The following FRMD5 variants were observed in gnomAD, a reference collection of about 807,000 sequenced individuals.
The protein encoded by FRMD5 is FERM domain containing 5, also known as FERM domain-containing protein 5.
FRMD5 carries 20 observed loss-of-function variants against 69.0 expected under a neutral mutation model. The ratio of observed to expected loss-of-function variants is 0.29; its 90% CI spans 0.20 to 0.42. The LOEUF (loss-of-function observed/expected upper bound fraction) is 0.42. Among genes scored for constraint, FRMD5 ranks in the 10% least tolerant of loss-of-function variants. The pLI, the probability that FRMD5 is intolerant of heterozygous loss-of-function variation, is 1.00. For synonymous variants in FRMD5, 271 were observed against 260.1 expected (o/e 1.04, Z -0.40); for missense variants, 595 against 708.6 (o/e 0.84, Z 1.82).
chr15:44,111,569 G>A (rs371579884), intron 1 of FRMD5, among the ~76,000 whole-genome samples: 3 of 152,120 alleles, frequency 2.0e-5, no homozygotes, highest in African/African-American at 7.2e-5. Flanking sequence ...AAAAGTCTCA[G>A]GCTGAAAAAG....
chr15:43,872,952 G>T lies in FRMD5; in HGVS notation c.*933C>A. 1 of 519,546 alleles carries T rather than the reference G, an allele frequency of 1.9e-6. No homozygotes were observed. Among genetic ancestry groups the T allele is most frequent in the Non-Finnish European group, 3.4e-6 (1 of 295,632 alleles). 32.2% of individuals were successfully genotyped at this position (519,546 alleles called of 1,614,324 possible). On this transcript the variant is annotated 3_prime_UTR_variant, in exon 14 of 14. Transcript: ENST00000417257. Reference sequence around the variant, plus strand: ...AAGCACTGCTATCCAAATCTCAACAGTCTCTCAGGTAACTTAACTCTGCTT... The same window carrying T: ...AAGCACTGCTATCCAAATCTCAACATTCTCTCAGGTAACTTAACTCTGCTT...
intron 1 of FRMD5, among the ~76,000 whole-genome samples, chr15:44,149,809 G>A (rs2077414476): frequency 6.6e-6 from 1 of 152,066 alleles, no homozygotes; most frequent in Admixed American, 6.5e-5. Context: ...TTCTAGGAGG[G>A]CAGCACTACC....
chr15:43,974,741 T>C (rs2090438286), intron 1 of FRMD5, among the ~76,000 whole-genome samples: 2 of 152,248 alleles, frequency 1.3e-5, no homozygotes, highest in East Asian at 1.9e-4. Flanking sequence ...ACCAGATTCA[T>C]GTAGCTCTCT....
intron 1 of FRMD5, among the ~76,000 whole-genome samples, chr15:44,026,276 T>C (rs1891425451): frequency 6.6e-6 from 1 of 152,238 alleles, no homozygotes; most frequent in Non-Finnish European, 1.5e-5. Flanking sequence ...CCCCCACATC[T>C]GGCCTCTCTC....
intron 1 of FRMD5, among the ~76,000 whole-genome samples, chr15:43,962,235 A>C (rs2140544687): frequency 6.6e-6 from 1 of 152,354 alleles, no homozygotes; most frequent in East Asian, 1.9e-4. Context: ...ATGTGCAAAA[A>C]TCACAAGCAT....
chr15:44,166,335 C>T (rs950713790), intron 1 of FRMD5, among the ~76,000 whole-genome samples: 1 of 152,056 alleles, frequency 6.6e-6, no homozygotes, highest in Non-Finnish European at 1.5e-5. Context: ...GATAGTAACC[C>T]TTTGGCATAT....
At chr15:44,082,767 T>G (rs903365197) in intron 1 of FRMD5, among the ~76,000 whole-genome samples, 5 of 151,906 alleles carry the variant, frequency 3.3e-5, no homozygotes, top group African/African-American at 1.2e-4. Context: ...AGGAAAAAAA[T>G]CACAGGCTTG....
intron 1 of FRMD5, among the ~76,000 whole-genome samples, chr15:43,928,654 C>T (rs906844397): frequency 3.3e-5 from 5 of 152,216 alleles, no homozygotes; most frequent in Non-Finnish European, 5.9e-5. Flanking sequence ...GTCCTAAGTC[C>T]AGGGGTTTCT....
chr15:44,187,522 C>G (rs2078121767), intron 1 of FRMD5, among the ~76,000 whole-genome samples: 1 of 151,704 alleles, frequency 6.6e-6, no homozygotes, highest in Non-Finnish European at 1.5e-5. Context: ...TTAACTCAGC[C>G]TCTAATGCTC....
At chr15:43,964,343 C>G (rs2090256607) in intron 1 of FRMD5, among the ~76,000 whole-genome samples, 1 of 149,778 alleles carries the variant, frequency 6.7e-6, no homozygotes, top group South Asian at 2.1e-4. Flanking sequence ...TTTCTTTTTT[C>G]AAGCATGAAA....
At chr15:44,064,071 T>A (rs1893208054) in intron 1 of FRMD5, 1 of 207,604 alleles carries the variant, frequency 4.8e-6, no homozygotes, top group Admixed American at 5.5e-5. Flanking sequence ...CCCAGAAGAC[T>A]GTGGATGGCC....
chr15:44,106,600 C>T (rs1419161229), intron 1 of FRMD5, among the ~76,000 whole-genome samples: 1 of 152,154 alleles, frequency 6.6e-6, no homozygotes, highest in Non-Finnish European at 1.5e-5. Flanking sequence ...GTGGTTCCAG[C>T]CTCTCACTGA....
At chr15:43,964,556 C>T (rs1279722617) in intron 1 of FRMD5, among the ~76,000 whole-genome samples, 1 of 151,264 alleles carries the variant, frequency 6.6e-6, no homozygotes, top group African/African-American at 2.4e-5. Context: ...ATGACAGAAT[C>T]CTGATGTAAC....
chr15:44,048,814 C>G (rs925288183), intron 1 of FRMD5, among the ~76,000 whole-genome samples: 2 of 152,170 alleles, frequency 1.3e-5, no homozygotes, highest in African/African-American at 4.8e-5. Flanking sequence ...CTCAAGTAAT[C>G]TGCTGCCTCA....
At position 44,023,684 on chromosome 15, in the gene FRMD5, A is replaced by C. The variant is rs187540227; in HGVS notation, c.103-99375T>G. On this transcript the variant is annotated intron_variant, in intron 1 of 13. Transcript: ENST00000417257. ...ACCAGTGATCCTCCAGTAGTCTAAAAACAAAATTACAAGAATTGGCAAACA... is the reference window on the plus strand; with the variant it reads ...ACCAGTGATCCTCCAGTAGTCTAAACACAAAATTACAAGAATTGGCAAACA... Among the ~76,000 whole-genome samples, 11 of 152,306 alleles carry C rather than the reference A, an allele frequency of 7.2e-5. No individual in the cohort carries two copies. In the East Asian group the frequency reaches 2.1e-3, roughly 29 times the overall value.
chr15:43,961,746 C>T (rs1156742710), intron 1 of FRMD5, among the ~76,000 whole-genome samples: 1 of 152,102 alleles, frequency 6.6e-6, no homozygotes, highest in African/African-American at 2.4e-5. Context: ...AAGGCTGGTT[C>T]AACATATGAA....
intron 7 of FRMD5, among the ~76,000 whole-genome samples, chr15:43,892,797 T>A (rs1171422253): frequency 6.6e-6 from 1 of 152,202 alleles, no homozygotes; most frequent in African/African-American, 2.4e-5. Context: ...AACCACTGAA[T>A]TGTACACTTT....
intron 1 of FRMD5, among the ~76,000 whole-genome samples, chr15:44,046,159 T>C (rs752321362): frequency 3.9e-5 from 6 of 152,132 alleles, no homozygotes; most frequent in African/African-American, 2.4e-5. Flanking sequence ...TCTCCTTTCA[T>C]TGAAGAAGAT....
Position 43,960,381 on chromosome 15 carries a change from C to G in FRMD5, c.103-36072G>C, listed in dbSNP as rs541532727. ...TCTCCTGCCTCAGCCTCCCGAGTAGCTGGGACTACAGGTGCCTGCCACCAC... is the reference window on the plus strand; with the variant it reads ...TCTCCTGCCTCAGCCTCCCGAGTAGGTGGGACTACAGGTGCCTGCCACCAC... On this transcript the variant is annotated intron_variant, in intron 1 of 13. Transcript: ENST00000417257. 2.6e-5 allele frequency among the ~76,000 whole-genome samples: 4 copies of G among 152,358 alleles called. No individual in the cohort carries two copies. The East Asian group carries it at 7.7e-4, about 29-fold the overall frequency.
Sources: gnomAD v4.1 joint callset for allele counts (sites outside exome capture counted in the v4.1 genomes callset) on GRCh38, gnomAD v4.1.1 for gene constraint, MANE v1.5 for transcripts, NCBI Gene and HGNC (gene_info 2026-07-23, HGNC 2026-07-21) for gene names.